TP53I11: variants seen among roughly 807,000 people sequenced by gnomAD.
The protein encoded by TP53I11 is tumor protein p53 inducible protein 11.
In TP53I11, 9 loss-of-function variants were observed where a neutral mutation model predicts 23.3. The ratio of observed to expected loss-of-function variants is 0.39; its 90% CI spans 0.23 to 0.67. TP53I11 has a LOEUF of 0.67. TP53I11 is among the 30% of genes least tolerant of loss of function. TP53I11 has a pLI of 0.48. For missense variants in TP53I11, 170 were observed against 255.2 expected, an observed-to-expected ratio of 0.67 and a Z score of 2.27; for synonymous variants, 100 against 106.1, an observed-to-expected ratio of 0.94 and a Z score of 0.35.
intron 1 of TP53I11, among the ~76,000 whole-genome samples, chr11:44,948,390 C>T (rs1192494985): frequency 6.6e-6 from 1 of 152,108 alleles, no homozygotes. Flanking sequence ...TGTGCTCTAG[C>T]TGTCTACACA....
chr11:44,937,694 C>T, intron 2 of TP53I11, 81 bp from the exon 3 acceptor site: 1 of 1,485,494 alleles, frequency 6.7e-7, no homozygotes, highest in Non-Finnish European at 9.3e-7. Flanking sequence ...CAGAGCCCTG[C>T]ACACCCAGGG....
chr11:44,934,825 C>T lies in TP53I11; in HGVS notation c.*59G>A, dbSNP rs1590729684. On this transcript the variant is annotated 3_prime_UTR_variant, in exon 7 of 7. Coordinates refer to ENST00000525680, the MANE Select transcript of TP53I11 (RefSeq NM_006034.5). The stretch of plus-strand genomic sequence containing the variant: ...CTGCCTTCCAGGAGCCAAAGGGAAG[C>T]CGAGGCCCCAGCGCCACTCTGGCCC... The T allele has an allele frequency of 1.9e-6, 3 of 1,604,898 alleles. No individual in the cohort carries two copies. The East Asian group carries it at 6.7e-5, about 36-fold the overall frequency.
intron 2 of TP53I11, 129 bp downstream of exon 2, chr11:44,938,078 C>T (rs1861357793): frequency 2.3e-6 from 3 of 1,322,790 alleles, no homozygotes; most frequent in East Asian, 5.6e-5. Flanking sequence ...ATTGCTGTTA[C>T]ATTTCTAGGA....
rs1375085669 is a variant in TP53I11, at chr11:44,936,707, G to T, written c.334+96C>A. ...CGCAGCATCTGGCCGAAGAAAGGAAGGGGTGCCCGGGCACGGACCCCCGTG... is the reference window on the plus strand; with the variant it reads ...CGCAGCATCTGGCCGAAGAAAGGAATGGGTGCCCGGGCACGGACCCCCGTG... On this transcript the variant is annotated intron_variant, in intron 5 of 6. Transcript: ENST00000525680. The surrounding 1 kb of genome is among the most constrained non-coding windows in gnomAD (Gnocchi z 4.4). The T allele has an allele frequency of 6.7e-6, 9 of 1,351,904 alleles. No individual in the cohort carries two copies. The highest frequency in any genetic ancestry group is 8.6e-6 in the Non-Finnish European group (9 of 1,044,752). 83.7% of individuals were successfully genotyped at this position (1,351,904 alleles called of 1,614,324 possible).
rs957524457 is a variant in TP53I11, at chr11:44,936,566, C to T, written c.334+237G>A. On this transcript the variant is annotated intron_variant, in intron 5 of 6. Coordinates refer to ENST00000525680, the MANE Select transcript of TP53I11 (RefSeq NM_006034.5). This position sits in a 1 kb window ranked among gnomAD's most constrained non-coding sequence, Gnocchi z 4.4. ...CAGAGGCAGTGCACACACTTATGAG[C>T]GCTCCTTGCAGATGGTGGCGACTGC... 1.8e-5 allele frequency: 23 copies of T among 1,306,212 alleles called. No homozygotes were observed. Among genetic ancestry groups the T allele is most frequent in the Non-Finnish European group, 2.1e-5 (22 of 1,028,172 alleles). 80.9% of individuals were successfully genotyped at this position (1,306,212 alleles called of 1,614,324 possible). A position where few individuals can be genotyped will look rare whatever the true frequency, so the allele number is the denominator to read the frequency against.
At position 44,937,321 on chromosome 11, in the gene TP53I11, A is replaced by G; in HGVS notation, c.220T>C (p.Ser74Pro). The change falls in exon 4 of 7, where the codon TCC (serine) becomes CCC (proline). Residue 74 changes from serine to proline, a missense_variant. Transcript: ENST00000525680. ...GGGCTCACCATGATGGCAATGCCGG[A>G]GAAGAGCACAGCAGAGACGAACTGC... Reference protein sequence around the residue: ...VWQFVSAVLFSGIAIMALAFP... With the variant: ...VWQFVSAVLFPGIAIMALAFP... 1 of 1,500,958 alleles carries G rather than the reference A, an allele frequency of 6.7e-7. No individual in the cohort carries two copies. The highest frequency in any genetic ancestry group is 8.9e-7 in the Non-Finnish European group (1 of 1,125,622). 93.0% of individuals were successfully genotyped at this position (1,500,958 alleles called of 1,614,324 possible). A position where few individuals can be genotyped will look rare whatever the true frequency, so the allele number is the denominator to read the frequency against.
chr11:44,938,366 G>A lies in TP53I11; in HGVS notation c.-31C>T. ...CCTCCAGCCCGGCCTCTGCAGAAGG[G>A]CTGAGGGGAGACACCGGCCTCAGGC... On this transcript the variant is annotated splice_region_variant and 5_prime_UTR_variant, in exon 2 of 7. Transcript: ENST00000525680. 1.3e-6 allele frequency: 2 copies of A among 1,561,666 alleles called. No individual in the cohort carries two copies. Among genetic ancestry groups the A allele is most frequent in the Non-Finnish European group, 1.7e-6 (2 of 1,154,958 alleles).
chr11:44,937,295 G>A lies in TP53I11; in HGVS notation c.237+9C>T. ...GGCCAGATCTCAGGGGCTGGGGGTG[G>A]GGGCTCACCATGATGGCAATGCCGG... On this transcript the variant is annotated intron_variant, in intron 4 of 6. Coordinates refer to ENST00000525680, the MANE Select transcript of TP53I11 (RefSeq NM_006034.5). 1.3e-6 allele frequency: 2 copies of A among 1,515,440 alleles called. No homozygotes were observed. The highest frequency in any genetic ancestry group is 1.8e-6 in the Non-Finnish European group (2 of 1,133,072). The allele number at this position is 1,515,440 out of a possible 1,614,324, so 93.9% of individuals were successfully genotyped here. A position where few individuals can be genotyped will look rare whatever the true frequency, so the allele number is the denominator to read the frequency against.
chr11:44,937,480 T>C (rs995739871), intron 3 of TP53I11, 75 bp downstream of exon 3: 1 of 1,572,652 alleles, frequency 6.4e-7, no homozygotes. Flanking sequence ...CCAGGCCAAA[T>C]GAGGTGAGGT....
At chr11:44,946,159 A>G (rs1250821674) in intron 1 of TP53I11, among the ~76,000 whole-genome samples, 7 of 152,198 alleles carry the variant, frequency 4.6e-5, no homozygotes, top group Non-Finnish European at 8.8e-5. Flanking sequence ...GAGATAATCT[A>G]GAAGTCATGG....
At chr11:44,938,516 T>C in intron 1 of TP53I11, 150 bp from the exon 2 acceptor site, 1 of 914,950 alleles carries the variant, frequency 1.1e-6, no homozygotes, top group Non-Finnish European at 1.5e-6. Flanking sequence ...ACAGCTGGCT[T>C]CCTTGTCAAA....
At chr11:44,937,125 C>T (rs1428268526) in intron 4 of TP53I11, 179 bp downstream of exon 4, 1 of 837,618 alleles carries the variant, frequency 1.2e-6, no homozygotes, top group Non-Finnish European at 1.9e-6. Context: ...ATCTAGTGTG[C>T]TCCTGGAGAA....
At chr11:44,937,198 GC>G in intron 4 of TP53I11, 105 bp downstream of exon 4, 3 of 1,397,922 alleles carry the variant, frequency 2.1e-6, no homozygotes, top group Non-Finnish European at 3.0e-6. Context: ...TGACAGATGG[GC>G]CCCTGCACGA....
chr11:44,934,808 C>T lies in TP53I11; in HGVS notation c.*76G>A. ...CAGGGCAGGGGACCCTCCTGCCTTC[C>T]AGGAGCCAAAGGGAAGCCGAGGCCC... On this transcript the variant is annotated 3_prime_UTR_variant, in exon 7 of 7. Coordinates refer to ENST00000525680, the MANE Select transcript of TP53I11 (RefSeq NM_006034.5). 1 of 1,593,640 alleles carries T rather than the reference C, an allele frequency of 6.3e-7. No homozygotes were observed. The highest frequency in any genetic ancestry group is 1.1e-5 in the South Asian group (1 of 89,630).
chr11:44,949,814 G>T (rs1862763216), intron 1 of TP53I11, among the ~76,000 whole-genome samples: 1 of 152,198 alleles, frequency 6.6e-6, no homozygotes, highest in Non-Finnish European at 1.5e-5. Flanking sequence ...GGGAGAGTGG[G>T]GGGCGTCTCC....
chr11:44,950,592 C>T (rs1425537842), intron 1 of TP53I11, 85 bp downstream of exon 1: 3 of 151,818 alleles, frequency 2.0e-5, no homozygotes, highest in South Asian at 4.1e-4. Context: ...GCCGCAGGAG[C>T]CCCGCTGGGT....
Position 44,934,592 on chromosome 11 carries a change from G to T in TP53I11, c.*292C>A. ...AGCCTGACTTTAGTCAGTGTCTATT[G>T]AGGGGGTCTGGAGGCCAAGAGACCC... On this transcript the variant is annotated 3_prime_UTR_variant, in exon 7 of 7. Coordinates refer to ENST00000525680, the MANE Select transcript of TP53I11 (RefSeq NM_006034.5). 1 of 386,798 alleles carries T rather than the reference G, an allele frequency of 2.6e-6. No individual in the cohort carries two copies. Among genetic ancestry groups the T allele is most frequent in the Non-Finnish European group, 4.9e-6 (1 of 205,222 alleles). The allele number at this position is 386,798 out of a possible 1,614,324, so 24.0% of individuals were successfully genotyped here. A position where few individuals can be genotyped will look rare whatever the true frequency, so the allele number is the denominator to read the frequency against.
chr11:44,937,532 CA>C (rs1861289461), intron 3 of TP53I11, 22 bp downstream of exon 3: 1 of 1,612,412 alleles, frequency 6.2e-7, no homozygotes, highest in Admixed American at 1.7e-5. Context: ...TCCCCTCCCC[CA>C]AAAAGTCAGG....
rs1381091398 is a variant in TP53I11, at chr11:44,937,020, T to G, written c.238-121A>C. The G allele has an allele frequency of 6.1e-6, 5 of 815,876 alleles. No individual in the cohort carries two copies. In the African/African-American group the frequency reaches 7.0e-5, roughly 11 times the overall value. 50.5% of individuals were successfully genotyped at this position (815,876 alleles called of 1,614,324 possible). The stretch of plus-strand genomic sequence containing the variant: ...GCAGGATCAGCATCCTTGGGGGCAG[T>G]CCAGGGTCTGGACCCAATTGTCCCC... On this transcript the variant is annotated intron_variant, in intron 4 of 6. Coordinates refer to ENST00000525680, the MANE Select transcript of TP53I11 (RefSeq NM_006034.5).
Sources: allele counts gnomAD v4.1 joint callset (sites outside exome capture counted in the v4.1 genomes callset), GRCh38; gene constraint gnomAD v4.1.1; non-coding constraint Gnocchi (gnomAD v3.1); transcripts MANE v1.5; gene names NCBI Gene and HGNC (gene_info 2026-07-23, HGNC 2026-07-21).